MS4A18: variants seen among roughly 807,000 people sequenced by gnomAD.
The protein encoded by MS4A18 is membrane-spanning 4-domains subfamily A member 18.
Under a neutral mutation model 13.1 loss-of-function variants are expected in MS4A18, and 27 were observed. The observed-to-expected ratio is 2.06, with a 90% CI of 1.52 to 2.84. MS4A18 has a LOEUF of 2.84. Among genes scored for constraint, MS4A18 ranks in the 30% most tolerant of loss-of-function variants. MS4A18 has a pLI of 0.00. For synonymous variants in MS4A18, 126 were observed against 76.5 expected (o/e 1.65, Z -3.38); for missense variants, 307 against 196.4 (o/e 1.56, Z -3.37).
chr11:60,737,534 C>T (rs1426573120), intron 3 of MS4A18, among the ~76,000 whole-genome samples: 4 of 152,178 alleles, frequency 2.6e-5, no homozygotes, highest in African/African-American at 9.7e-5. Context: ...CAATACCTGC[C>T]TTGAACAATT....
At chr11:60,726,824 T>C (rs1240243658), upstream of MS4A18, among the ~76,000 whole-genome samples, 1 of 151,830 alleles carries the variant, frequency 6.6e-6, no homozygotes. Flanking sequence ...GCTTGTTACA[T>C]AGGTATACAT....
upstream of MS4A18, chr11:60,729,300 G>C (rs1267487508): frequency 2.9e-5 from 20 of 694,136 alleles, no homozygotes; most frequent in Admixed American, 4.0e-4. Flanking sequence ...TATGTGTTTT[G>C]CAGCAGTTGT....
chr11:60,734,085 A>G (rs777022934), intron 2 of MS4A18, among the ~76,000 whole-genome samples: 2 of 151,904 alleles, frequency 1.3e-5, no homozygotes, highest in African/African-American at 2.4e-5. Flanking sequence ...CCCACCCGCC[A>G]TCTCTACAAA....
intron 4 of MS4A18, among the ~76,000 whole-genome samples, chr11:60,739,956 G>T (rs368185076): frequency 6.6e-6 from 1 of 152,224 alleles, no homozygotes; most frequent in South Asian, 2.1e-4. Flanking sequence ...GTCTACAGGG[G>T]TGAGGGCAGT....
intron 5 of MS4A18, among the ~76,000 whole-genome samples, chr11:60,742,383 CT>C (rs1247116929): frequency 6.6e-6 from 1 of 152,208 alleles, no homozygotes; most frequent in Non-Finnish European, 1.5e-5. Context: ...AATCCTGTTA[CT>C]AATAAAATTC....
exon 3 of MS4A18, chr11:60,737,025 T>C (rs544450670): frequency 2.8e-6 from 2 of 702,642 alleles, no homozygotes; most frequent in Admixed American, 2.0e-5. Flanking sequence ...AGGACCCCAG[T>C]CCTTGTGTGG....
chr11:60,737,105 G>T, intron 3 of MS4A18, 71 bp downstream of exon 4: 1 of 700,662 alleles, frequency 1.4e-6, no homozygotes, highest in South Asian at 1.5e-5. Context: ...ATGAAAAAAG[G>T]AGACTCACAG....
intron 5 of MS4A18, among the ~76,000 whole-genome samples, chr11:60,743,205 C>T (rs931033554): frequency 6.6e-6 from 1 of 152,254 alleles, no homozygotes; most frequent in African/African-American, 2.4e-5. Flanking sequence ...GCTTACTCAA[C>T]AACCACTTAT....
chr11:60,744,430 G>A (rs1853457948), downstream of MS4A18, among the ~76,000 whole-genome samples: 1 of 152,162 alleles, frequency 6.6e-6, no homozygotes, highest in Non-Finnish European at 1.5e-5. Flanking sequence ...ATTCCCAGGT[G>A]TAGGAGGAGG....
intron 3 of MS4A18, among the ~76,000 whole-genome samples, chr11:60,738,043 C>T (rs2134679629): frequency 6.6e-6 from 1 of 152,332 alleles, no homozygotes; most frequent in East Asian, 1.9e-4. Context: ...GTGGGGGTCT[C>T]CTAGTCCTCT....
intron 2 of MS4A18, among the ~76,000 whole-genome samples, chr11:60,736,296 G>A (rs996497813): frequency 6.7e-6 from 1 of 148,986 alleles, no homozygotes; most frequent in Non-Finnish European, 1.5e-5. Context: ...TGAAGCTCAA[G>A]ATCTTCCTCC....
chr11:60,743,545 G>C (rs1853438631), intron 5 of MS4A18, 105 bp from the exon 7 acceptor site: 3 of 635,122 alleles, frequency 4.7e-6, no homozygotes, highest in Non-Finnish European at 2.8e-6. Context: ...ATCAGGGAGA[G>C]AGGGTCTACC....
upstream of MS4A18, among the ~76,000 whole-genome samples, chr11:60,726,729 T>TTTATTTTATTTTATG (rs1853167508): frequency 6.9e-6 from 1 of 145,608 alleles, no homozygotes; most frequent in Non-Finnish European, 1.5e-5. Context: ...TTTATTTTAT[T>TTTATTTTATTTTATG]TTATTTTATT....
intron 1 of MS4A18, among the ~76,000 whole-genome samples, chr11:60,733,126 C>T (rs1194594672): frequency 6.6e-6 from 1 of 152,200 alleles, no homozygotes; most frequent in Non-Finnish European, 1.5e-5. Flanking sequence ...TAAGGAAACC[C>T]TGAGGCAGAG....
intron 2 of MS4A18, among the ~76,000 whole-genome samples, chr11:60,736,283 G>C (rs1192093370): frequency 6.6e-6 from 1 of 150,870 alleles, no homozygotes; most frequent in East Asian, 2.0e-4. Context: ...CAGATGAAGA[G>C]ACTGAAGCTC....
At chr11:60,733,903 A>G (rs1322778733) in intron 2 of MS4A18, among the ~76,000 whole-genome samples, 1 of 148,752 alleles carries the variant, frequency 6.7e-6, no homozygotes, top group East Asian at 2.0e-4. Flanking sequence ...ACTCATTATC[A>G]TGTTCTTTAC....
chr11:60,729,251 G>A, upstream of MS4A18: 1 of 660,696 alleles, frequency 1.5e-6, no homozygotes, highest in Non-Finnish European at 2.8e-6. Flanking sequence ...GAGATAAGAT[G>A]CATTATTCAT....
At chr11:60,739,437 C>T (rs983384212) in intron 4 of MS4A18, among the ~76,000 whole-genome samples, 1 of 152,094 alleles carries the variant, frequency 6.6e-6, no homozygotes, top group African/African-American at 2.4e-5. Flanking sequence ...GATTCAGGTG[C>T]AAGTCGTGTA....
At chr11:60,739,887 T>C (rs916902147) in intron 4 of MS4A18, among the ~76,000 whole-genome samples, 6 of 152,172 alleles carry the variant, frequency 3.9e-5, no homozygotes, top group Admixed American at 3.9e-4. Context: ...GATCCTCTCT[T>C]GGGACTAACC....
Sources: allele counts gnomAD v4.1 joint callset (sites outside exome capture counted in the v4.1 genomes callset), GRCh38; gene constraint gnomAD v4.1.1; transcripts MANE v1.5; gene names NCBI Gene and HGNC (gene_info 2026-07-23, HGNC 2026-07-21).